The following SLC24A2 variants were observed in gnomAD, a reference collection of about 807,000 sequenced individuals.
SLC24A2 encodes sodium/potassium/calcium exchanger 2.
SLC24A2 carries 36 observed loss-of-function variants against 62.0 expected under a neutral mutation model. That is an observed-to-expected ratio of 0.58 (90% confidence interval 0.44 to 0.77). The LOEUF (loss-of-function observed/expected upper bound fraction) is 0.77, where lower values mean the gene tolerates loss of function less well. Ranked by LOEUF, SLC24A2 falls within the 30% of genes least tolerant of loss-of-function variation. The probability of loss-of-function intolerance (pLI) is 0.00; values close to 1 mark genes in which losing one functional copy is unlikely to be tolerated. For missense variants in SLC24A2, 846 were observed against 817.9 expected (o/e 1.03, Z -0.42); for synonymous variants, 358 against 294.0 (o/e 1.22, Z -2.23).
chr9:19,737,058 T>C (rs921068550), intron 2 of SLC24A2, among the ~76,000 whole-genome samples: 28 of 152,184 alleles, frequency 1.8e-4, no homozygotes, highest in African/African-American at 5.8e-4. Context: ...GAAATCAGTA[T>C]TGAACAAATA....
chr9:19,597,222 T>G lies in SLC24A2; in HGVS notation c.1129+7A>C, dbSNP rs373894212. 6.4e-7 allele frequency: 1 copy of G among 1,563,246 alleles called. No individual in the cohort carries two copies. Among genetic ancestry groups the G allele is most frequent in the South Asian group, 1.1e-5 (1 of 89,990 alleles). ...GCCAATGCATACAATTCTAAAATCA[T>G]TCTTACCTTCTTCAGTCATTGTGTC... is the stretch of plus-strand genomic sequence containing the variant. On this transcript the variant is annotated splice_region_variant and intron_variant, in intron 5 of 10. Transcript: ENST00000341998.
At chr9:19,572,778 T>G (rs1371803425) in intron 7 of SLC24A2, among the ~76,000 whole-genome samples, 1 of 152,236 alleles carries the variant, frequency 6.6e-6, no homozygotes, top group Non-Finnish European at 1.5e-5. Flanking sequence ...TTACAACTAC[T>G]AGACTGAAAA....
chr9:19,996,498 G>A, the SLC24A2 span, among the ~76,000 whole-genome samples: 1 of 152,086 alleles, frequency 6.6e-6, no homozygotes, highest in Non-Finnish European at 1.5e-5. Flanking sequence ...CCCACACTTT[G>A]GGAGGCTGAG....
chr9:20,200,724 G>C, the SLC24A2 span, among the ~76,000 whole-genome samples: 1 of 152,200 alleles, frequency 6.6e-6, no homozygotes, highest in East Asian at 1.9e-4. Context: ...GCCCAGGGAC[G>C]CTGCCATTGT....
intron 2 of SLC24A2, among the ~76,000 whole-genome samples, chr9:19,643,411 G>A (rs955652355): frequency 9.2e-5 from 14 of 152,002 alleles, no homozygotes; most frequent in African/African-American, 3.4e-4. Flanking sequence ...AGACTTAATG[G>A]GTACCACCAC....
At chr9:19,778,907 A>C (rs1480900292) in intron 2 of SLC24A2, among the ~76,000 whole-genome samples, 1 of 152,252 alleles carries the variant, frequency 6.6e-6, no homozygotes, top group Non-Finnish European at 1.5e-5. Context: ...TAGAGGAATA[A>C]AAGAGGCATT....
At chr9:19,744,472 C>G (rs62546375) in intron 2 of SLC24A2, among the ~76,000 whole-genome samples, 1 of 151,916 alleles carries the variant, frequency 6.6e-6, no homozygotes, top group Non-Finnish European at 1.5e-5. Flanking sequence ...CTCCTATGCT[C>G]GTAGAGGACT....
chr9:19,644,079 C>G (rs1367259141), intron 2 of SLC24A2, among the ~76,000 whole-genome samples: 4 of 152,226 alleles, frequency 2.6e-5, no homozygotes, highest in Non-Finnish European at 5.9e-5. Context: ...CTCAACATCT[C>G]AGTTGTGAAC....
the SLC24A2 span, among the ~76,000 whole-genome samples, chr9:20,210,900 C>G: frequency 2.6e-5 from 4 of 151,986 alleles, no homozygotes; most frequent in African/African-American, 7.2e-5. Context: ...ATTATCATCA[C>G]AATCCCACTG....
chr9:19,742,248 G>A (rs1000944249), intron 2 of SLC24A2, among the ~76,000 whole-genome samples: 7 of 152,152 alleles, frequency 4.6e-5, no homozygotes, highest in Non-Finnish European at 1.0e-4. Context: ...CACAAACAAA[G>A]AGCACCCTGT....
the SLC24A2 span, among the ~76,000 whole-genome samples, chr9:19,919,738 T>C: frequency 6.6e-6 from 1 of 152,160 alleles, no homozygotes; most frequent in East Asian, 1.9e-4. Flanking sequence ...AAATATGTCC[T>C]TCTTCACATG....
the SLC24A2 span, among the ~76,000 whole-genome samples, chr9:19,923,803 G>A: frequency 7.9e-5 from 12 of 152,116 alleles, no homozygotes; most frequent in Admixed American, 3.9e-4. Flanking sequence ...GCTGGAGTGC[G>A]ATGGCACAAT....
the SLC24A2 span, among the ~76,000 whole-genome samples, chr9:20,258,804 C>CTATCT: frequency 0.054 from 6,770 of 124,312 alleles, 255 homozygotes; most frequent in East Asian, 0.14. Context: ...ATCTATCTAT[C>CTATCT]TATCTATCTA....
At chr9:20,182,406 C>T in the SLC24A2 span, among the ~76,000 whole-genome samples, 1 of 152,160 alleles carries the variant, frequency 6.6e-6, no homozygotes, top group African/African-American at 2.4e-5. Flanking sequence ...CAATGATAGA[C>T]TGGATAAAGA....
chr9:19,984,430 G>A, the SLC24A2 span, among the ~76,000 whole-genome samples: 1 of 152,138 alleles, frequency 6.6e-6, no homozygotes, highest in Non-Finnish European at 1.5e-5. Flanking sequence ...CCCAGGCCAG[G>A]CACGGTGGCT....
At chr9:19,931,850 A>C in the SLC24A2 span, among the ~76,000 whole-genome samples, 108 of 152,326 alleles carry the variant, frequency 7.1e-4, no homozygotes, top group African/African-American at 2.5e-3. Context: ...GAATTCATTG[A>C]ATAAAGAAAT....
chr9:19,798,225 C>G, the SLC24A2 span, among the ~76,000 whole-genome samples: 2 of 151,864 alleles, frequency 1.3e-5, 1 homozygote, highest in South Asian at 4.2e-4. Flanking sequence ...TTCATTTGTT[C>G]TTTTATATAA....
the SLC24A2 span, among the ~76,000 whole-genome samples, chr9:19,962,144 G>C: frequency 6.6e-6 from 1 of 152,158 alleles, no homozygotes; most frequent in Non-Finnish European, 1.5e-5. Context: ...TTTATGGACT[G>C]CTCATTATGT....
the SLC24A2 span, among the ~76,000 whole-genome samples, chr9:20,016,093 G>A: frequency 1.3e-5 from 2 of 152,150 alleles, no homozygotes; most frequent in Non-Finnish European, 2.9e-5. Context: ...ATAGGCCAGT[G>A]CTTTTTGAAC....
Sources: allele counts gnomAD v4.1 joint callset (sites outside exome capture counted in the v4.1 genomes callset), GRCh38; gene constraint gnomAD v4.1.1; transcripts MANE v1.5; gene names NCBI Gene and HGNC (gene_info 2026-07-23, HGNC 2026-07-21).